Variants in ARMC9 observed in about 807,000 individuals in gnomAD.
The protein encoded by ARMC9 is armadillo repeat containing 9, also known as lisH domain-containing protein ARMC9.
Under a neutral mutation model 107.0 loss-of-function variants are expected in ARMC9, and 94 were observed. That is an observed-to-expected ratio of 0.88 (90% CI 0.74 to 1.04). The LOEUF (loss-of-function observed/expected upper bound fraction) is 1.04, where lower values mean the gene tolerates loss of function less well. Ranked by LOEUF, ARMC9 falls within the 50% of genes least tolerant of loss-of-function variation. The pLI is 0.00. For synonymous variants in ARMC9, 380 were observed against 396.9 expected (o/e 0.96, Z 0.51); for missense variants, 942 against 1,030.1 (o/e 0.91, Z 1.17).
chr2:231,317,561 A>G (rs2042774305), intron 19 of ARMC9, among the ~76,000 whole-genome samples: 1 of 151,128 alleles, frequency 6.6e-6, no homozygotes. Context: ...TGAGTAGTGT[A>G]TAACCATTAT....
intron 19 of ARMC9, among the ~76,000 whole-genome samples, chr2:231,303,163 C>T (rs1478981180): frequency 6.6e-6 from 1 of 152,130 alleles, no homozygotes; most frequent in Non-Finnish European, 1.5e-5. Context: ...GAACTTGTAT[C>T]CTACAACCTT....
chr2:231,239,329 C>T (rs2036065548), intron 8 of ARMC9, among the ~76,000 whole-genome samples: 1 of 152,170 alleles, frequency 6.6e-6, no homozygotes, highest in Non-Finnish European at 1.5e-5. Flanking sequence ...AAGGAGAATG[C>T]AGGATCCAGC....
intron 13 of ARMC9, 102 bp downstream of exon 13, chr2:231,271,174 TC>T: frequency 1.8e-6 from 2 of 1,112,678 alleles, no homozygotes; most frequent in South Asian, 2.8e-5. Flanking sequence ...AGATGACGCT[TC>T]CTCAGTTTGT....
chr2:231,269,511 G>A (rs189194580), intron 12 of ARMC9, among the ~76,000 whole-genome samples: 15 of 144,194 alleles, frequency 1.0e-4, no homozygotes, highest in African/African-American at 2.9e-4. Flanking sequence ...TCAGCCTCCC[G>A]AGTAGCTGGG....
intron 5 of ARMC9, among the ~76,000 whole-genome samples, chr2:231,218,913 G>A (rs1360634904): frequency 2.0e-5 from 3 of 151,872 alleles, no homozygotes; most frequent in Non-Finnish European, 4.4e-5. Context: ...CACCATGTCC[G>A]GCTAATTTTT....
At chr2:231,299,993 CAG>C (rs887354602) in intron 19 of ARMC9, among the ~76,000 whole-genome samples, 1 of 152,160 alleles carries the variant, frequency 6.6e-6, no homozygotes, top group Non-Finnish European at 1.5e-5. Flanking sequence ...TTATATGAAA[CAG>C]ACGTAATATG....
At chr2:231,261,330 G>T (rs984112289) in intron 11 of ARMC9, among the ~76,000 whole-genome samples, 7 of 152,178 alleles carry the variant, frequency 4.6e-5, no homozygotes, top group African/African-American at 1.7e-4. Context: ...TGGACATTGC[G>T]TAAATTTTTA....
At chr2:231,325,832 G>T (rs1172424508) in intron 19 of ARMC9, among the ~76,000 whole-genome samples, 1 of 152,202 alleles carries the variant, frequency 6.6e-6, no homozygotes, top group Non-Finnish European at 1.5e-5. Context: ...CAGCGGGTCT[G>T]CTAGCACTTG....
At chr2:231,264,186 T>C (rs1017115789) in intron 12 of ARMC9, among the ~76,000 whole-genome samples, 4 of 152,196 alleles carry the variant, frequency 2.6e-5, no homozygotes, top group Non-Finnish European at 4.4e-5. Flanking sequence ...GGTTTACTTA[T>C]ATATATTTTT....
At chr2:231,316,990 G>C (rs888146105) in intron 19 of ARMC9, among the ~76,000 whole-genome samples, 2 of 151,908 alleles carry the variant, frequency 1.3e-5, no homozygotes, top group Non-Finnish European at 2.9e-5. Context: ...CTCAAACTGC[G>C]CCCAGCCCCA....
intron 4 of ARMC9, chr2:231,215,231 TA>T: frequency 2.2e-6 from 1 of 460,562 alleles, no homozygotes; most frequent in South Asian, 4.6e-5. Context: ...TATTCCTAAA[TA>T]CCTCAAGTTT....
rs369661605 is a variant in ARMC9, at chr2:231,362,307, C to G, written c.2261+1424C>G. Among the ~76,000 whole-genome samples the G allele has an allele frequency of 6.6e-6, 1 of 152,190 alleles. No homozygotes were observed. Among genetic ancestry groups the G allele is most frequent in the Non-Finnish European group, 1.5e-5 (1 of 68,018 alleles). On this transcript the variant is annotated intron_variant, in intron 23 of 24. Coordinates refer to ENST00000611582, the MANE Select transcript of ARMC9 (RefSeq NM_001352754.2). This position sits in a 1 kb window ranked among gnomAD's most constrained non-coding sequence, Gnocchi z 4.7. ...GTGGGCTAGAGCTATCTCATGCCCC[C>G]AGTCCAGACTGGATCCTCCCCTGCG...
At chr2:231,285,615 C>T (rs1212052543) in intron 17 of ARMC9, among the ~76,000 whole-genome samples, 1 of 151,090 alleles carries the variant, frequency 6.6e-6, no homozygotes, top group East Asian at 1.9e-4. Flanking sequence ...CACTGGACTC[C>T]ACCCTGTGCA....
chr2:231,355,871 G>C lies in ARMC9; in HGVS notation c.2068G>C (p.Ala690Pro), dbSNP rs767069680. ...RNGHPQALPA[A>P]HEAVYREGKP... is the part of the protein sequence containing the mutation. ...CGGCCACCCGCAGGCCCTGCCAGCCGCTCACGAGGCTGTCTACAGGGAGGG... is the reference window on the plus strand; with the variant it reads ...CGGCCACCCGCAGGCCCTGCCAGCCCCTCACGAGGCTGTCTACAGGGAGGG... Residue 690 changes from alanine to proline, a missense_variant, in exon 22 of 25, where the codon GCT becomes CCT. Coordinates refer to ENST00000611582, the MANE Select transcript of ARMC9 (RefSeq NM_001352754.2). The C allele has an allele frequency of 1.5e-4, 226 of 1,535,994 alleles. No individual in the cohort carries two copies. The highest frequency in any genetic ancestry group is 1.9e-4 in the Non-Finnish European group (215 of 1,146,896).
At chr2:231,292,049 T>G (rs1003110613) in intron 18 of ARMC9, among the ~76,000 whole-genome samples, 1 of 150,772 alleles carries the variant, frequency 6.6e-6, no homozygotes, top group Non-Finnish European at 1.5e-5. Context: ...ATGCCTGTAG[T>G]CCCAGCTACT....
In ARMC9 at chr2:231,359,675, A is replaced by C. The variant is rs367976686; in HGVS notation, c.2132-1079A>C. 6.6e-5 allele frequency among the ~76,000 whole-genome samples: 10 copies of C among 152,130 alleles called. No individual in the cohort carries two copies. In the East Asian group the frequency reaches 1.9e-3, roughly 29 times the overall value. On this transcript the variant is annotated intron_variant, in intron 22 of 24. Transcript: ENST00000611582. ...CAGCAATTCGGTGTGACTTCACTCAAGTATTCTCTTGTACACCTACGCTTT... is the reference window on the plus strand; with the variant it reads ...CAGCAATTCGGTGTGACTTCACTCACGTATTCTCTTGTACACCTACGCTTT...
At chr2:231,337,070 C>T (rs1441629995) in intron 20 of ARMC9, among the ~76,000 whole-genome samples, 1 of 152,110 alleles carries the variant, frequency 6.6e-6, no homozygotes, top group South Asian at 2.1e-4. Flanking sequence ...ACAACAAAAA[C>T]CAAAACTAGA....
intron 3 of ARMC9, among the ~76,000 whole-genome samples, chr2:231,208,526 G>T (rs1477204038): frequency 6.6e-6 from 1 of 152,230 alleles, no homozygotes; most frequent in Non-Finnish European, 1.5e-5. Flanking sequence ...GACAATTGTA[G>T]CCTTCCTCCT....
intron 17 of ARMC9, among the ~76,000 whole-genome samples, chr2:231,290,072 C>T (rs2040881137): frequency 6.6e-6 from 1 of 152,204 alleles, no homozygotes; most frequent in Non-Finnish European, 1.5e-5. Context: ...GAGTTTAGTA[C>T]ATCTTGACGA....
Sources: allele counts gnomAD v4.1 joint callset (sites outside exome capture counted in the v4.1 genomes callset), GRCh38; gene constraint gnomAD v4.1.1; non-coding constraint Gnocchi (gnomAD v3.1); transcripts MANE v1.5; gene names NCBI Gene and HGNC (gene_info 2026-07-23, HGNC 2026-07-21).